The following LIPA variants were observed in gnomAD, a reference collection of about 807,000 sequenced individuals.
The protein encoded by LIPA is lysosomal acid lipase/cholesteryl ester hydrolase.
LIPA carries 26 observed loss-of-function variants against 40.6 expected under a neutral mutation model. The observed-to-expected ratio is 0.64, with a 90% CI of 0.47 to 0.89. LIPA has a LOEUF of 0.89. Ranked by LOEUF, LIPA falls within the 40% of genes least tolerant of loss-of-function variation. LIPA has a pLI of 0.00. For missense variants in LIPA, 455 were observed against 479.6 expected (o/e 0.95, Z 0.48); for synonymous variants, 188 against 168.4 (o/e 1.12, Z -0.90).
chr10:89,289,997 A>AGG (rs748592173), intron 1 of LIPA, among the ~76,000 whole-genome samples: 4 of 119,604 alleles, frequency 3.3e-5, no homozygotes, highest in South Asian at 3.4e-4. Flanking sequence ...CTAAAAAAAA[A>AGG]GGGTGGGGGG....
chr10:89,267,579 T>G (rs1315782348), intron 1 of LIPA, among the ~76,000 whole-genome samples: 1 of 20,028 alleles, frequency 5.0e-5, no homozygotes, highest in East Asian at 1.7e-3. Flanking sequence ...GGGACTGTGG[T>G]GGGGTGGGGG....
Position 89,351,704 on chromosome 10 carries a change from A to G in LIPA, c.61+61087T>C, listed in dbSNP as rs142673454. Among the ~76,000 whole-genome samples, 527 of 152,324 alleles carry G rather than the reference A, an allele frequency of 3.5e-3. 8 individuals carry two copies. Among genetic ancestry groups the G allele is most frequent in the African/African-American group, 0.011 (464 of 41,558 alleles). On this transcript the variant is annotated intron_variant, in intron 2 of 8. Transcript: ENST00000371837. Reference sequence around the variant, plus strand: ...AAACCAAGATACTTTAGAGTCAGAGAGCCATGGTCCAAGTCCAAGGGACAA... The same window carrying G: ...AAACCAAGATACTTTAGAGTCAGAGGGCCATGGTCCAAGTCCAAGGGACAA...
In LIPA at chr10:89,215,075, G is replaced by C; in HGVS notation, c.967-14C>G. The stretch of plus-strand genomic sequence containing the variant: ...GGGAGGATAACTCTACAATGAAAAG[G>C]AACCAGAGAAAGCCTCGTTGTTGTT... On this transcript the variant is annotated splice_polypyrimidine_tract_variant and intron_variant, in intron 9 of 9. Transcript: ENST00000336233. 1 of 1,562,636 alleles carries C rather than the reference G, an allele frequency of 6.4e-7. No homozygotes were observed. Among genetic ancestry groups the C allele is most frequent in the Non-Finnish European group, 8.8e-7 (1 of 1,133,086 alleles).
chr10:89,402,820 C>G (rs146515241), intron 2 of LIPA: 2 of 1,614,176 alleles, frequency 1.2e-6, no homozygotes, highest in Non-Finnish European at 1.7e-6. Flanking sequence ...GCTGGGTATG[C>G]GATCTCTGCC....
chr10:89,299,083 C>T (rs1843430862), intron 1 of LIPA, among the ~76,000 whole-genome samples: 1 of 151,352 alleles, frequency 6.6e-6, no homozygotes, highest in South Asian at 2.1e-4. Context: ...ACAATTCAAA[C>T]AATACACAGA....
rs146994557 is a variant in LIPA, at chr10:89,331,488, G to A, written c.-2+11123C>T. On this transcript the variant is annotated intron_variant, in intron 1 of 5. Coordinates refer to the LIPA transcript ENST00000282673. ...GTGCCTGGCCAACATTTTCCATACA[G>A]AGGCTAACATACAGATATACAATTT... 1.7e-3 allele frequency among the ~76,000 whole-genome samples: 261 copies of A among 152,248 alleles called. 5 individuals carry two copies. In the East Asian group the frequency reaches 0.043, roughly 25 times the overall value.
intron 8 of LIPA, among the ~76,000 whole-genome samples, chr10:89,220,582 G>A (rs73369915): frequency 7.3e-4 from 111 of 152,270 alleles, no homozygotes; most frequent in African/African-American, 2.5e-3. Flanking sequence ...TGTTCAGCAC[G>A]TCATGAACTA....
chr10:89,311,188 T>C (rs77177803), intron 1 of LIPA, among the ~76,000 whole-genome samples: 5,928 of 152,206 alleles, frequency 0.039, 377 homozygotes, highest in African/African-American at 0.13. Flanking sequence ...TTCTCATTTT[T>C]AAATGAAACT....
chr10:89,402,426 A>C (rs767939878), intron 2 of LIPA: 11 of 1,614,088 alleles, frequency 6.8e-6, no homozygotes, highest in Non-Finnish European at 7.6e-6. Flanking sequence ...CACCAAATAC[A>C]GTGTGGGAAT....
intron 1 of LIPA, among the ~76,000 whole-genome samples, chr10:89,298,935 A>C (rs1003010244): frequency 2.6e-5 from 4 of 152,052 alleles, no homozygotes; most frequent in Non-Finnish European, 5.9e-5. Context: ...GTGAGCAGAG[A>C]TCGCACCACT....
intron 2 of LIPA, among the ~76,000 whole-genome samples, chr10:89,367,442 C>T (rs979655955): frequency 1.3e-5 from 2 of 152,242 alleles, no homozygotes; most frequent in Non-Finnish European, 2.9e-5. Flanking sequence ...TAAACCACTT[C>T]TTATTCTTGT....
chr10:89,327,558 A>C (rs754018188), intron 1 of LIPA, among the ~76,000 whole-genome samples: 5 of 152,204 alleles, frequency 3.3e-5, no homozygotes, highest in Admixed American at 6.5e-5. Context: ...CTCAAAAAAA[A>C]ACAAAAACAA....
At chr10:89,332,967 T>C (rs1489247195) in intron 1 of LIPA, among the ~76,000 whole-genome samples, 1 of 152,214 alleles carries the variant, frequency 6.6e-6, no homozygotes, top group Non-Finnish European at 1.5e-5. Context: ...GTCTTTTGTT[T>C]CTTATATTTA....
At chr10:89,334,716 C>A (rs1843708052) in intron 1 of LIPA, among the ~76,000 whole-genome samples, 1 of 151,422 alleles carries the variant, frequency 6.6e-6, no homozygotes, top group Non-Finnish European at 1.5e-5. Flanking sequence ...TAGTCTCGAA[C>A]TCTTGACCTC....
chr10:89,219,312 G>A lies in LIPA; in HGVS notation c.894+3199C>T, dbSNP rs114830352. On this transcript the variant is annotated intron_variant, in intron 8 of 9. Coordinates refer to ENST00000336233, the MANE Select transcript of LIPA (RefSeq NM_000235.4). The stretch of plus-strand genomic sequence containing the variant: ...GTATTTTTAATAGCACCTTAGGTAG[G>A]TCAGAACAACACTGGAAAACTACAC... 2.7e-3 allele frequency among the ~76,000 whole-genome samples: 417 copies of A among 152,226 alleles called. 1 individual carries two copies. Among genetic ancestry groups the A allele is most frequent in the African/African-American group, 9.1e-3 (380 of 41,538 alleles).
At chr10:89,256,424 T>A (rs1020490747), upstream of LIPA, among the ~76,000 whole-genome samples, 43 of 152,118 alleles carry the variant, frequency 2.8e-4, no homozygotes, top group African/African-American at 9.7e-4. Flanking sequence ...TCAGAAGATA[T>A]AAAAGCTGAG....
At chr10:89,411,826 G>C (rs1362218229) in intron 2 of LIPA, among the ~76,000 whole-genome samples, 2 of 152,222 alleles carry the variant, frequency 1.3e-5, no homozygotes, top group Admixed American at 6.5e-5. Context: ...TCTGAAATCA[G>C]ACAACACCTT....
intron 2 of LIPA, chr10:89,378,108 A>G: frequency 6.2e-7 from 1 of 1,613,646 alleles, no homozygotes; most frequent in Non-Finnish European, 8.5e-7. Flanking sequence ...CCAAAGCACT[A>G]CAGATCACCT....
chr10:89,368,015 G>C (rs1287077263), intron 2 of LIPA, among the ~76,000 whole-genome samples: 1 of 151,924 alleles, frequency 6.6e-6, no homozygotes, highest in Non-Finnish European at 1.5e-5. Flanking sequence ...TGTAGAGTTA[G>C]GTCTCACTAT....
Sources: allele counts gnomAD v4.1 joint callset (sites outside exome capture counted in the v4.1 genomes callset), GRCh38; gene constraint gnomAD v4.1.1; transcripts MANE v1.5; gene names NCBI Gene and HGNC (gene_info 2026-07-23, HGNC 2026-07-21).